NKAIN2: variants seen among roughly 807,000 people sequenced by gnomAD.
NKAIN2 encodes sodium/potassium transporting ATPase interacting 2, also known as sodium/potassium-transporting ATPase subunit beta-1-interacting protein 2.
Under a neutral mutation model 32.6 loss-of-function variants are expected in NKAIN2, and 14 were observed. The observed-to-expected ratio is 0.43, with a 90% CI of 0.28 to 0.67. The LOEUF (loss-of-function observed/expected upper bound fraction) is 0.67, where lower values mean the gene tolerates loss of function less well. Among genes scored for constraint, NKAIN2 ranks in the 30% least tolerant of loss-of-function variants. The pLI, the probability that NKAIN2 is intolerant of heterozygous loss-of-function variation, is 0.17. For synonymous variants in NKAIN2, 80 were observed against 87.2 expected, an observed-to-expected ratio of 0.92 and a Z score of 0.46; for missense variants, 198 against 258.3, an observed-to-expected ratio of 0.77 and a Z score of 1.60.
intron 1 of NKAIN2, among the ~76,000 whole-genome samples, chr6:124,187,913 A>G (rs1219289810): frequency 6.6e-6 from 1 of 152,148 alleles, no homozygotes; most frequent in African/African-American, 2.4e-5. Flanking sequence ...CCAAGATGTT[A>G]TTCCATAAGA....
At chr6:124,573,639 A>G (rs1455584003) in intron 3 of NKAIN2, among the ~76,000 whole-genome samples, 1 of 152,014 alleles carries the variant, frequency 6.6e-6, no homozygotes, top group East Asian at 1.9e-4. Context: ...TTTAAGATGC[A>G]ATTTAAGGCA....
chr6:123,871,448 G>C (rs575286150), intron 1 of NKAIN2, among the ~76,000 whole-genome samples: 1 of 152,244 alleles, frequency 6.6e-6, no homozygotes, highest in Non-Finnish European at 1.5e-5. Flanking sequence ...CCCCAGGTCT[G>C]CTTCAGAGCT....
At chr6:123,897,845 C>T (rs948170516) in intron 1 of NKAIN2, among the ~76,000 whole-genome samples, 4 of 152,094 alleles carry the variant, frequency 2.6e-5, no homozygotes, top group East Asian at 1.9e-4. Context: ...CTGAGCTGGT[C>T]GGGTTTCTGT....
At chr6:124,190,068 T>C (rs753868131) in intron 1 of NKAIN2, among the ~76,000 whole-genome samples, 1 of 152,158 alleles carries the variant, frequency 6.6e-6, no homozygotes, top group Non-Finnish European at 1.5e-5. Context: ...GCCACAAACA[T>C]ATGAAAGTGA....
At chr6:124,084,357 A>T (rs1049333143) in intron 1 of NKAIN2, among the ~76,000 whole-genome samples, 5 of 151,944 alleles carry the variant, frequency 3.3e-5, no homozygotes, top group Non-Finnish European at 5.9e-5. Context: ...ATGGCTTGCC[A>T]TTGTGTGACA....
intron 1 of NKAIN2, among the ~76,000 whole-genome samples, chr6:124,279,749 A>C (rs994356552): frequency 3.3e-5 from 5 of 152,138 alleles, no homozygotes; most frequent in African/African-American, 1.2e-4. Flanking sequence ...GGATTTTACT[A>C]GATATAAAAG....
chr6:124,342,184 G>A (rs1477042111), intron 2 of NKAIN2, among the ~76,000 whole-genome samples: 3 of 151,740 alleles, frequency 2.0e-5, no homozygotes, highest in African/African-American at 7.3e-5. Context: ...GGCGGATCAC[G>A]AGGTCAGAAG....
At chr6:124,311,242 G>A (rs911969283) in intron 2 of NKAIN2, among the ~76,000 whole-genome samples, 3 of 152,030 alleles carry the variant, frequency 2.0e-5, no homozygotes, top group African/African-American at 7.2e-5. Context: ...TGCAGAGTTG[G>A]ACAATACTGA....
At chr6:123,825,248 G>A (rs1011766758) in intron 1 of NKAIN2, among the ~76,000 whole-genome samples, 4 of 152,080 alleles carry the variant, frequency 2.6e-5, no homozygotes, top group African/African-American at 7.2e-5. Flanking sequence ...ATTTCAACAC[G>A]TGGATTTTGT....
chr6:124,094,152 TCTC>T (rs1248213707), intron 1 of NKAIN2, among the ~76,000 whole-genome samples: 1 of 152,120 alleles, frequency 6.6e-6, no homozygotes, highest in Non-Finnish European at 1.5e-5. Context: ...ACAGATATCT[TCTC>T]CTCTTGTGAA....
At chr6:124,741,558 G>A (rs1025012377) in intron 4 of NKAIN2, among the ~76,000 whole-genome samples, 15 of 151,922 alleles carry the variant, frequency 9.9e-5, no homozygotes, top group African/African-American at 3.1e-4. Flanking sequence ...GAAACAAAGG[G>A]AGTGCTTATC....
chr6:124,791,959 AC>A (rs1779764332), intron 5 of NKAIN2, among the ~76,000 whole-genome samples: 1 of 152,136 alleles, frequency 6.6e-6, no homozygotes. Flanking sequence ...CAACATTGAG[AC>A]ATATTGCTTG....
chr6:124,008,346 G>A (rs1026894975), intron 1 of NKAIN2, among the ~76,000 whole-genome samples: 1 of 152,090 alleles, frequency 6.6e-6, no homozygotes, highest in African/African-American at 2.4e-5. Flanking sequence ...AAACACTTTT[G>A]TTCAAGGGGA....
chr6:123,846,219 A>G (rs1405038564), intron 1 of NKAIN2, among the ~76,000 whole-genome samples: 2 of 152,168 alleles, frequency 1.3e-5, no homozygotes, highest in East Asian at 1.9e-4. Flanking sequence ...GTAAACCTCA[A>G]TGTGGTAGGA....
rs187530271 is a variant in NKAIN2, at chr6:123,991,147, A to G, written c.54+186893A>G. 1.3e-4 allele frequency among the ~76,000 whole-genome samples: 20 copies of G among 152,322 alleles called. No homozygotes were observed. In the East Asian group the frequency reaches 1.3e-3, roughly 10 times the overall value. On this transcript the variant is annotated intron_variant, in intron 1 of 6. Transcript: ENST00000368417. ...AGTTTCTTTTCTTCTTAAGGAAATA[A>G]AAAGATTGACTTGAGCCAATTTTTA...
chr6:124,162,623 G>A (rs9482510), intron 1 of NKAIN2, among the ~76,000 whole-genome samples: 17,879 of 151,986 alleles, frequency 0.12, 2,526 homozygotes, highest in African/African-American at 0.33. Flanking sequence ...TTCAAAAGGA[G>A]AATCGGTGGT....
intron 1 of NKAIN2, among the ~76,000 whole-genome samples, chr6:123,833,840 G>C (rs983112483): frequency 1.3e-5 from 2 of 150,976 alleles, no homozygotes; most frequent in African/African-American, 2.4e-5. Flanking sequence ...CAATTCTCCT[G>C]GCTCAGCCTC....
chr6:123,893,186 A>T (rs1237260205), intron 1 of NKAIN2, among the ~76,000 whole-genome samples: 1 of 152,118 alleles, frequency 6.6e-6, no homozygotes, highest in African/African-American at 2.4e-5. Flanking sequence ...AACTCAAAGG[A>T]ATGTATAATA....
intron 4 of NKAIN2, among the ~76,000 whole-genome samples, chr6:124,781,277 A>G (rs1779253015): frequency 2.0e-5 from 3 of 152,170 alleles, no homozygotes; most frequent in Admixed American, 1.3e-4. Flanking sequence ...AGAGCACTAT[A>G]TAACTTCTCT....
Sources: gnomAD v4.1 joint callset for allele counts (sites outside exome capture counted in the v4.1 genomes callset) on GRCh38, gnomAD v4.1.1 for gene constraint, MANE v1.5 for transcripts, NCBI Gene and HGNC (gene_info 2026-07-23, HGNC 2026-07-21) for gene names.